TRPM1: variants seen among roughly 807,000 people sequenced by gnomAD.
TRPM1 encodes TRPM1-203 APA Isoform, Intron 10.
A neutral mutation model predicts 149.4 loss-of-function variants in TRPM1; 113 were observed. The ratio of observed to expected loss-of-function variants is 0.76; its 90% CI spans 0.65 to 0.88. TRPM1 has a LOEUF of 0.88. Ranked by LOEUF, TRPM1 falls within the 40% of genes least tolerant of loss-of-function variation. TRPM1 has a pLI of 0.00. For synonymous variants in TRPM1, 741 were observed against 759.5 expected (o/e 0.98, Z 0.40); for missense variants, 1,976 against 2,038.7 (o/e 0.97, Z 0.59).
At chr15:31,026,405 A>G in intron 26 of TRPM1, 134 bp from the exon 27 acceptor site, 1 of 1,098,928 alleles carries the variant, frequency 9.1e-7, no homozygotes, top group East Asian at 2.6e-5. Flanking sequence ...CCACTACTCC[A>G]ATTGATTTTT....
chr15:31,157,698 CA>C (rs1409127604), intron 1 of TRPM1, among the ~76,000 whole-genome samples: 1 of 152,104 alleles, frequency 6.6e-6, no homozygotes, highest in African/African-American at 2.4e-5. Flanking sequence ...CCAGTGTCCC[CA>C]GGGATTTGCT....
intron 7 of TRPM1, among the ~76,000 whole-genome samples, chr15:31,064,217 T>C (rs1265786990): frequency 6.6e-6 from 1 of 152,272 alleles, no homozygotes; most frequent in East Asian, 1.9e-4. Flanking sequence ...AGCATACAAA[T>C]GAGGTACACT....
intron 22 of TRPM1, chr15:31,031,409 T>C: frequency 1.7e-6 from 1 of 573,416 alleles, no homozygotes; most frequent in South Asian, 2.2e-5. Flanking sequence ...TTCTCTGTTG[T>C]TGCCCATAAA....
intron 3 of TRPM1, 141 bp downstream of exon 3, chr15:31,076,764 G>A: frequency 1.4e-6 from 1 of 725,400 alleles, no homozygotes; most frequent in South Asian, 1.5e-5. Context: ...AGGAGCCCCA[G>A]TGACTCCCTT....
chr15:31,036,862 C>T (rs2033404181), intron 20 of TRPM1, among the ~76,000 whole-genome samples: 1 of 152,216 alleles, frequency 6.6e-6, no homozygotes, highest in South Asian at 2.1e-4. Flanking sequence ...CAGAGCTTTG[C>T]TCTGCCCCCA....
chr15:31,042,279 T>C, intron 16 of TRPM1, 36 bp from the exon 17 acceptor site: 5 of 1,549,272 alleles, frequency 3.2e-6, no homozygotes, highest in Non-Finnish European at 4.4e-6. Context: ...GGTTTTGCCA[T>C]AAAAGTATGC....
In TRPM1 at chr15:31,026,132, C is replaced by T; in HGVS notation, c.3629+7G>A. 6.2e-7 allele frequency: 1 copy of T among 1,610,780 alleles called. No individual in the cohort carries two copies. The highest frequency in any genetic ancestry group is 8.5e-7 in the Non-Finnish European group (1 of 1,180,024). On this transcript the variant is annotated splice_region_variant and intron_variant, in intron 27 of 27. Coordinates refer to ENST00000256552, the MANE Select transcript of TRPM1 (RefSeq NM_001252024.2). ...TCACGGGCCCGCGGTGGGGACGCTA[C>T]ACGTACCTTTCAGAAGTGACCCGGA... is the stretch of plus-strand genomic sequence containing the variant.
Position 31,049,634 on chromosome 15 carries a change from T to G in TRPM1, c.1438-125A>C, listed in dbSNP as rs561248913. The stretch of plus-strand genomic sequence containing the variant: ...ATTCCAGAGCACTCCAGCATGGTAC[T>G]CTTTGCTCTTTATCTTGGGTAAACA... On this transcript the variant is annotated intron_variant, in intron 12 of 27. Transcript: ENST00000256552. 656 of 1,080,468 alleles carry G rather than the reference T, an allele frequency of 6.1e-4. 5 individuals carry two copies. The South Asian group carries it at 8.1e-3, about 13-fold the overall frequency. The allele number at this position is 1,080,468 out of a possible 1,614,324, so 66.9% of individuals were successfully genotyped here. A position where few individuals can be genotyped will look rare whatever the true frequency, so the allele number is the denominator to read the frequency against.
chr15:31,001,942 C>T lies in TRPM1; in HGVS notation c.4758G>A (p.Gln1586=). Residue 1586 remains glutamine, a synonymous_variant, in exon 28 of 28, where the codon CAG becomes CAA. Coordinates refer to ENST00000256552, the MANE Select transcript of TRPM1 (RefSeq NM_001252024.2). The stretch of plus-strand genomic sequence containing the variant: ...CATGTCCAGATCTGTCTAACTTTCC[C>T]TGAATGGATTTCACATTCCTAGGAT... The part of the protein sequence containing the change: ...HGHPRNVKSI[Q]GKLDRSGHAS... 6.2e-7 allele frequency: 1 copy of T among 1,614,156 alleles called. No homozygotes were observed. Among genetic ancestry groups the T allele is most frequent in the African/African-American group, 1.3e-5 (1 of 75,060 alleles).
intron 2 of TRPM1, among the ~76,000 whole-genome samples, chr15:31,080,695 C>T (rs1308337317): frequency 6.9e-6 from 1 of 144,352 alleles, no homozygotes; most frequent in Non-Finnish European, 1.5e-5. Context: ...ACGGTCCCGC[C>T]CTCTCAGCCC....
At chr15:31,037,959 AT>A in intron 19 of TRPM1, 84 bp downstream of exon 19, 1 of 1,612,396 alleles carries the variant, frequency 6.2e-7, no homozygotes, top group Non-Finnish European at 8.5e-7. Flanking sequence ...AACCAGTGAG[AT>A]TTCTCAATCT....
At chr15:31,011,862 C>A (rs1195429900) in intron 27 of TRPM1, among the ~76,000 whole-genome samples, 3 of 152,116 alleles carry the variant, frequency 2.0e-5, no homozygotes, top group Admixed American at 2.0e-4. Context: ...TGGGGTTTCA[C>A]TATGTTGGCC....
At chr15:31,031,206 G>GT in intron 22 of TRPM1, 49 bp from the exon 23 acceptor site, 1 of 1,606,202 alleles carries the variant, frequency 6.2e-7, no homozygotes, top group South Asian at 1.1e-5. Flanking sequence ...TGTGGGCCAA[G>GT]TTCACCCTGG....
chr15:31,047,758 T>C, intron 14 of TRPM1, 131 bp downstream of exon 14: 2 of 819,428 alleles, frequency 2.4e-6, no homozygotes, highest in Non-Finnish European at 4.2e-6. Flanking sequence ...AAATAGACTC[T>C]TTACGAAAGA....
intron 10 of TRPM1, among the ~76,000 whole-genome samples, chr15:31,060,936 C>A (rs915280599): frequency 6.6e-6 from 1 of 152,160 alleles, no homozygotes; most frequent in Non-Finnish European, 1.5e-5. Context: ...AAGGCTGGAA[C>A]CCTGGGACTG....
intron 1 of TRPM1, among the ~76,000 whole-genome samples, chr15:31,120,285 T>G (rs10467922): frequency 0.62 from 94,552 of 151,590 alleles, 29,631 homozygotes; most frequent in East Asian, 0.75. Context: ...AGCAGAAAAA[T>G]GGAACTTATT....
chr15:31,156,245 G>C (rs759730050), intron 1 of TRPM1, among the ~76,000 whole-genome samples: 2 of 120,356 alleles, frequency 1.7e-5, no homozygotes, highest in Non-Finnish European at 3.6e-5. Flanking sequence ...TTTTACCCCA[G>C]AATATGTTTC....
intron 1 of TRPM1, among the ~76,000 whole-genome samples, chr15:31,096,987 C>T (rs1166443437): frequency 3.9e-5 from 6 of 152,188 alleles, no homozygotes; most frequent in African/African-American, 1.2e-4. Context: ...CTCAGCGTGA[C>T]GGTGGAGGCT....
chr15:31,065,150 G>T (rs765609201), intron 7 of TRPM1: 1 of 533,248 alleles, frequency 1.9e-6, no homozygotes, highest in Non-Finnish European at 3.9e-6. Context: ...GAAATGGGGT[G>T]TTGTAAAAAC....
Sources: gnomAD v4.1 joint callset for allele counts (sites outside exome capture counted in the v4.1 genomes callset) on GRCh38, gnomAD v4.1.1 for gene constraint, MANE v1.5 for transcripts, NCBI Gene and HGNC (gene_info 2026-07-23, HGNC 2026-07-21) for gene names.